Variants in SLC5A5 observed in about 807,000 individuals in gnomAD.
SLC5A5 encodes sodium/iodide cotransporter.
In SLC5A5, 56 loss-of-function variants were observed where a neutral mutation model predicts 68.6. The ratio of observed to expected loss-of-function variants is 0.82; its 90% CI spans 0.66 to 1.02. The LOEUF (loss-of-function observed/expected upper bound fraction) is 1.02. Ranked by LOEUF, SLC5A5 falls within the 50% of genes least tolerant of loss-of-function variation. The pLI, the probability that SLC5A5 is intolerant of heterozygous loss-of-function variation, is 0.00. For synonymous variants in SLC5A5, 398 were observed against 373.0 expected, an observed-to-expected ratio of 1.07 and a Z score of -0.77; for missense variants, 807 against 859.8, an observed-to-expected ratio of 0.94 and a Z score of 0.77.
chr19:17,883,531 G>C (rs1202495190), intron 10 of SLC5A5, 150 bp from the exon 11 acceptor site: 6 of 730,814 alleles, frequency 8.2e-6, no homozygotes, highest in East Asian at 7.6e-5. Flanking sequence ...AAGGGGGGGG[G>C]GTCCTCTCCC....
At chr19:17,887,649 G>A (rs1205364199) in intron 12 of SLC5A5, among the ~76,000 whole-genome samples, 1 of 147,994 alleles carries the variant, frequency 6.8e-6, no homozygotes, top group Non-Finnish European at 1.5e-5. Context: ...CCAGGCTGGA[G>A]TGCAATGGTG....
intron 12 of SLC5A5, among the ~76,000 whole-genome samples, chr19:17,888,113 T>C (rs1463954272): frequency 1.3e-5 from 2 of 152,090 alleles, no homozygotes; most frequent in South Asian, 2.1e-4. Flanking sequence ...ATTTTAGTAA[T>C]GTGCCCTTTG....
intron 13 of SLC5A5, among the ~76,000 whole-genome samples, chr19:17,889,942 G>A (rs577301215): frequency 2.0e-4 from 30 of 152,212 alleles, no homozygotes; most frequent in Non-Finnish European, 3.8e-4. Context: ...TTGAGTCTCA[G>A]ACTTCACAGT....
intron 14 of SLC5A5, 25 bp downstream of exon 14, chr19:17,891,026 A>C: frequency 6.8e-7 from 1 of 1,472,380 alleles, no homozygotes; most frequent in Non-Finnish European, 9.5e-7. Flanking sequence ...GGGTTCCCAG[A>C]TCTAGAGGCA....
At chr19:17,881,018 G>C in intron 8 of SLC5A5, 65 bp downstream of exon 8, 1 of 1,197,706 alleles carries the variant, frequency 8.3e-7, no homozygotes, top group South Asian at 1.2e-5. Context: ...ATCCTGGCCT[G>C]CCATCCCTCT....
rs1433973220 is a variant in SLC5A5, at chr19:17,872,341, G to A, written c.22G>A (p.Glu8Lys). Residue 8 changes from glutamate (E) to lysine (K), a missense_variant, in exon 1 of 15, where the codon GAA becomes AAA. Coordinates refer to ENST00000222248, the MANE Select transcript of SLC5A5 (RefSeq NM_000453.3). MEAVETG[E>K]RPTFGAWDYG... ...CCTCATGGAGGCCGTGGAGACCGGG[G>A]AACGGCCCACCTTCGGAGCCTGGGA... 10 of 1,583,314 alleles carry A rather than the reference G, an allele frequency of 6.3e-6. No individual in the cohort carries two copies. The highest frequency in any genetic ancestry group is 4.6e-5 in the South Asian group (4 of 87,524).
chr19:17,886,664 T>G (rs1003452157), intron 12 of SLC5A5, among the ~76,000 whole-genome samples: 1 of 152,180 alleles, frequency 6.6e-6, no homozygotes, highest in Non-Finnish European at 1.5e-5. Context: ...CACATCATTT[T>G]ACATTCCGAC....
intron 13 of SLC5A5, among the ~76,000 whole-genome samples, chr19:17,889,398 AAAAGAAAG>A (rs551408010): frequency 8.5e-6 from 1 of 117,392 alleles, no homozygotes; most frequent in African/African-American, 5.2e-5. Flanking sequence ...GACTCCATCT[AAAAGAAAG>A]AAAGAAAGAA....
intron 5 of SLC5A5, 55 bp from the exon 6 acceptor site, chr19:17,877,668 A>T (rs1336667635): frequency 7.5e-6 from 12 of 1,609,384 alleles, no homozygotes; most frequent in Non-Finnish European, 9.3e-6. Context: ...GGCCCTTGGG[A>T]GGGTGAAGTC....
chr19:17,893,433 G>T (rs894462782), intron 14 of SLC5A5, among the ~76,000 whole-genome samples: 1 of 152,076 alleles, frequency 6.6e-6, no homozygotes, highest in Non-Finnish European at 1.5e-5. Flanking sequence ...AGGTGAACAG[G>T]CAGAGAAGCA....
intron 14 of SLC5A5, among the ~76,000 whole-genome samples, chr19:17,892,157 G>T (rs529401742): frequency 1.3e-5 from 2 of 152,186 alleles, no homozygotes; most frequent in Non-Finnish European, 2.9e-5. Context: ...AGCCGGGCAT[G>T]GTGGCGTGTG....
At chr19:17,888,245 G>A in intron 12 of SLC5A5, 86 bp from the exon 13 acceptor site, 2 of 1,539,604 alleles carry the variant, frequency 1.3e-6, no homozygotes, top group Non-Finnish European at 8.9e-7. Flanking sequence ...GTTGGGGGAA[G>A]GAAGCAGGGG....
At chr19:17,881,067 T>G in intron 8 of SLC5A5, 114 bp downstream of exon 8, 1 of 823,208 alleles carries the variant, frequency 1.2e-6, no homozygotes, top group Non-Finnish European at 2.1e-6. Context: ...TCAGTCCCAG[T>G]TCCTGCTTGA....
intron 7 of SLC5A5, among the ~76,000 whole-genome samples, chr19:17,880,217 CTT>C (rs55961004): frequency 2.2e-4 from 31 of 139,014 alleles, no homozygotes; most frequent in African/African-American, 2.4e-4. Flanking sequence ...TCTTTTCTTT[CTT>C]TTTTTTTTTT....
At position 17,894,790 on chromosome 19, in the gene SLC5A5, C is replaced by T. The variant is rs979960096; in HGVS notation, c.*913C>T. On this transcript the variant is annotated 3_prime_UTR_variant, in exon 15 of 15. Transcript: ENST00000222248. Reference sequence around the variant, plus strand: ...GGAGGCTCTCGAATTGGGTTGTGTCCCCCCAAAATTTATGTCTACCCAGAA... The same window carrying T: ...GGAGGCTCTCGAATTGGGTTGTGTCTCCCCAAAATTTATGTCTACCCAGAA... 1.3e-5 allele frequency: 2 copies of T among 152,122 alleles called. No individual in the cohort carries two copies. Among genetic ancestry groups the T allele is most frequent in the Non-Finnish European group, 2.9e-5 (2 of 68,062 alleles). The allele number at this position is 152,122 out of a possible 1,614,324, so 9.4% of individuals were successfully genotyped here.
In SLC5A5 at chr19:17,878,038, T is replaced by C. The variant is rs1280196070; in HGVS notation, c.914T>C (p.Val305Ala). Residue 305 changes from valine to alanine, a missense_variant, in exon 7 of 15, where the codon GTG becomes GCG. Transcript: ENST00000222248. ...GCCTGCTGTGGCATCGTCATGTTTG[T>C]GTTCTACACTGACTGCGACCCTCTC... Reference protein sequence around the residue: ...SAACCGIVMFVFYTDCDPLLL... With the variant: ...SAACCGIVMFAFYTDCDPLLL... The C allele has an allele frequency of 1.2e-6, 2 of 1,613,160 alleles. No individual in the cohort carries two copies. Among genetic ancestry groups the C allele is most frequent in the Middle Eastern group, 3.3e-4 (2 of 6,060 alleles).
Position 17,877,877 on chromosome 19 carries a change from G to C in SLC5A5, c.839+14G>C. ...GCAGGCCAAGCTGTGAGTGTTTCGG[G>C]GAGCAAGGTCGGGGTTTCTGGGACA... On this transcript the variant is annotated intron_variant, in intron 6 of 14. Transcript: ENST00000222248. 6.2e-7 allele frequency: 1 copy of C among 1,614,156 alleles called. No homozygotes were observed. The highest frequency in any genetic ancestry group is 1.1e-5 in the South Asian group (1 of 91,086).
intron 5 of SLC5A5, among the ~76,000 whole-genome samples, chr19:17,877,120 C>T (rs1323550478): frequency 4.0e-5 from 6 of 151,768 alleles, no homozygotes; most frequent in Admixed American, 6.6e-5. Flanking sequence ...AGGAGGCCCT[C>T]GCTGCTCTCT....
chr19:17,889,474 A>AAG (rs956719486), intron 13 of SLC5A5, among the ~76,000 whole-genome samples: 1 of 147,818 alleles, frequency 6.8e-6, no homozygotes, highest in African/African-American at 2.6e-5. Context: ...GAAGGAGAGA[A>AAG]AGAGAGAGAG....
Sources: gnomAD v4.1 joint callset for allele counts (sites outside exome capture counted in the v4.1 genomes callset) on GRCh38, gnomAD v4.1.1 for gene constraint, MANE v1.5 for transcripts, NCBI Gene and HGNC (gene_info 2026-07-23, HGNC 2026-07-21) for gene names.